The following GTF3C4 variants were observed in gnomAD, a reference collection of about 807,000 sequenced individuals.
GTF3C4 encodes general transcription factor 3C polypeptide 4.
Under a neutral mutation model 67.5 loss-of-function variants are expected in GTF3C4, and 28 were observed. The observed-to-expected ratio is 0.41, with a 90% CI of 0.31 to 0.57. GTF3C4 has a LOEUF of 0.57. GTF3C4 is among the 20% of genes least tolerant of loss of function. The pLI, the probability that GTF3C4 is intolerant of heterozygous loss-of-function variation, is 0.21. For missense variants in GTF3C4, 831 were observed against 1,033.2 expected (o/e 0.80, Z 2.68); for synonymous variants, 409 against 393.0 (o/e 1.04, Z -0.48).
upstream of GTF3C4, chr9:132,670,358 A>C (rs1835676514): frequency 7.4e-7 from 1 of 1,352,362 alleles, no homozygotes; most frequent in Non-Finnish European, 9.7e-7. Context: ...ATCCCTGGGC[A>C]GGGAAAAGGG....
rs1299149215 is a variant in GTF3C4 at position 132,683,671 on chromosome 9, T to C, written c.2293T>C (p.Ser765Pro). The C allele has an allele frequency of 6.2e-7, 1 of 1,610,442 alleles. No individual in the cohort carries two copies. The highest frequency in any genetic ancestry group is 1.1e-5 in the South Asian group (1 of 89,724). ...CACAGATCGCAAACAGGCAGTCTGTTCCAATGGCCACATTTGGCTCCGGTA... is the reference window on the plus strand; with the variant it reads ...CACAGATCGCAAACAGGCAGTCTGTCCCAATGGCCACATTTGGCTCCGGTA... ...PFTDRKQAVC[S>P]NGHIWLRCFL... The change falls in exon 3 of 5, where the codon TCC (serine) becomes CCC (proline). Residue 765 changes from serine (S) to proline (P), a missense_variant. Ser to Pro is a moderately conservative substitution (Grantham distance 74, BLOSUM62 -1). Transcript: ENST00000372146.
upstream of GTF3C4, chr9:132,670,174 G>A (rs559511003): frequency 4.4e-6 from 7 of 1,592,728 alleles, no homozygotes; most frequent in East Asian, 2.3e-5. Flanking sequence ...TCGCGGCCTG[G>A]CAAAATTACA....
intron 1 of GTF3C4, among the ~76,000 whole-genome samples, chr9:132,675,895 CTTTTTTTTTTT>C (rs72145516): frequency 0.015 from 1,351 of 89,086 alleles, 27 homozygotes; most frequent in Middle Eastern, 0.047. Context: ...TCCAGTTACC[CTTTTTTTTTTT>C]TTTTTTTTTT....
intron 2 of GTF3C4, among the ~76,000 whole-genome samples, chr9:132,680,373 G>A (rs1835923029): frequency 1.3e-5 from 2 of 152,092 alleles, no homozygotes; most frequent in Admixed American, 1.3e-4. Context: ...AGAGCACTAG[G>A]GTTCCCAGTG....
chr9:132,687,321 C>G lies in GTF3C4; in HGVS notation c.2398C>G (p.Pro800Ala). Reference sequence around the variant, plus strand: ...TGACAGCATTGCCCGGCATCCAGCTCCAGAAGGTGAGTGCTTTCCCTTACT... The same window carrying G: ...TGACAGCATTGCCCGGCATCCAGCTGCAGAAGGTGAGTGCTTTCCCTTACT... ...LHDSIARHPA[P>A]EDPDWIKRLL... Residue 800 changes from proline (P) to alanine (A), a missense_variant, in exon 4 of 5, where the codon CCA becomes GCA. Physicochemically the swap from Pro to Ala is conservative, Grantham distance 27. Transcript: ENST00000372146. 1 of 1,199,490 alleles carries G rather than the reference C, an allele frequency of 8.3e-7. No individual in the cohort carries two copies. Among genetic ancestry groups the G allele is most frequent in the South Asian group, 1.2e-5 (1 of 84,098 alleles). The allele number at this position is 1,199,490 out of a possible 1,614,324, so 74.3% of individuals were successfully genotyped here. A position where few individuals can be genotyped will look rare whatever the true frequency, so the allele number is the denominator to read the frequency against.
upstream of GTF3C4, chr9:132,670,281 T>A: frequency 6.6e-7 from 1 of 1,511,808 alleles, no homozygotes; most frequent in Non-Finnish European, 8.9e-7. Context: ...TACCGCCCCG[T>A]GCGTTTCCTC....
rs1265060184 is a variant in GTF3C4, at chr9:132,670,637, C to T, written c.39C>T (p.Asp13=). The change falls in exon 1 of 5, where the codon GAC becomes GAT. Residue 13 remains aspartate, a synonymous_variant. Transcript: ENST00000372146. ...ACCAGGCCCGGGTGGGGCCCGCGGA[C>T]GACGGGCCTGCGCCGTCTGGGGAGG... ...TADQARVGPA[D]DGPAPSGEEE... is the part of the protein sequence containing the mutation. 6.9e-7 allele frequency: 1 copy of T among 1,449,618 alleles called. No individual in the cohort carries two copies. The highest frequency in any genetic ancestry group is 9.0e-7 in the Non-Finnish European group (1 of 1,113,256). The allele number at this position is 1,449,618 out of a possible 1,614,324, so 89.8% of individuals were successfully genotyped here.
Position 132,678,240 on chromosome 9 carries a change from C to T in GTF3C4, c.621C>T (p.Asp207=). Reference sequence around the variant, plus strand: ...GACTGCAGTGGGTCCAGCTGGTTGACCTGACTGAGATCTATGGAGAACGTC... The same window carrying T: ...GACTGCAGTGGGTCCAGCTGGTTGATCTGACTGAGATCTATGGAGAACGTC... ...LNRLQWVQLV[D]LTEIYGERLY... Residue 207 remains aspartate (D), a synonymous_variant, in exon 2 of 5, where the codon GAC becomes GAT. Transcript: ENST00000372146. This position sits in a 1 kb window ranked among gnomAD's most constrained non-coding sequence, Gnocchi z 6.5. 1 of 1,614,222 alleles carries T rather than the reference C, an allele frequency of 6.2e-7. No homozygotes were observed. Among genetic ancestry groups the T allele is most frequent in the East Asian group, 2.2e-5 (1 of 44,890 alleles).
Position 132,692,355 on chromosome 9 carries a change from G to T in GTF3C4, c.*3410G>T, listed in dbSNP as rs1836130817. On this transcript the variant is annotated 3_prime_UTR_variant, in exon 5 of 5. Coordinates refer to ENST00000372146, the MANE Select transcript of GTF3C4 (RefSeq NM_012204.4). Reference sequence around the variant, plus strand: ...AAGGTAATAGTATTAATTGTATCTGGTTTTCTTCAAAACTTAACTATAATT... The same window carrying T: ...AAGGTAATAGTATTAATTGTATCTGTTTTTCTTCAAAACTTAACTATAATT... 2 of 152,186 alleles carry T rather than the reference G, an allele frequency of 1.3e-5. No homozygotes were observed. Among genetic ancestry groups the T allele is most frequent in the Middle Eastern group, 3.4e-3 (1 of 294 alleles). The allele number at this position is 152,186 out of a possible 1,614,324, so 9.4% of individuals were successfully genotyped here. A position where few individuals can be genotyped will look rare whatever the true frequency, so the allele number is the denominator to read the frequency against.
chr9:132,679,471 G>A lies in GTF3C4; in HGVS notation c.1852G>A (p.Asp618Asn). The A allele has an allele frequency of 6.2e-7, 1 of 1,614,158 alleles. No homozygotes were observed. The highest frequency in any genetic ancestry group is 8.5e-7 in the Non-Finnish European group (1 of 1,180,034). ...GGATTCGCCTGGGATGGGCAATGCT[G>A]ACGATGAACAGCAGGAAGAAGGCAC... ...LVDSPGMGNA[D>N]DEQQEEGTSS... Residue 618 changes from aspartate (D) to asparagine (N), a missense_variant, in exon 2 of 5, where the codon GAC becomes AAC. Physicochemically the swap from Asp to Asn is conservative, Grantham distance 23. Transcript: ENST00000372146. The surrounding 1 kb of genome is among the most constrained non-coding windows in gnomAD (Gnocchi z 5.9).
rs1475207180 is a variant in GTF3C4 at position 132,693,861 on chromosome 9, T to G, written c.*4916T>G. ...AGATTTGTACTTTGATGTATGAAAG[T>G]GAATATCAAACTTGTTTATAGAAAA... is the stretch of plus-strand genomic sequence containing the variant. On this transcript the variant is annotated 3_prime_UTR_variant, in exon 5 of 5. Coordinates refer to ENST00000372146, the MANE Select transcript of GTF3C4 (RefSeq NM_012204.4). The G allele has an allele frequency of 1.3e-5, 2 of 152,206 alleles. No homozygotes were observed. Among genetic ancestry groups the G allele is most frequent in the Admixed American group, 1.3e-4 (2 of 15,280 alleles). The allele number at this position is 152,206 out of a possible 1,614,324, so 9.4% of individuals were successfully genotyped here. A position where few individuals can be genotyped will look rare whatever the true frequency, so the allele number is the denominator to read the frequency against.
intron 2 of GTF3C4, 39 bp from the exon 3 acceptor site, chr9:132,683,524 C>T: frequency 2.6e-6 from 4 of 1,566,878 alleles, no homozygotes; most frequent in Non-Finnish European, 3.5e-6. Context: ...GGAAATCCTG[C>T]ACTTACACTA....
intron 1 of GTF3C4, among the ~76,000 whole-genome samples, chr9:132,672,056 G>GTT (rs1835785261): frequency 6.6e-6 from 1 of 152,192 alleles, no homozygotes; most frequent in African/African-American, 2.4e-5. Context: ...TTGTTAGATT[G>GTT]TTAGTCAGCT....
chr9:132,687,421 C>G, intron 4 of GTF3C4, 94 bp downstream of exon 4: 1 of 686,066 alleles, frequency 1.5e-6, no homozygotes. Context: ...ACGCTCTACA[C>G]TTCTTGGTAT....
At chr9:132,670,314 G>C (rs1835673054), upstream of GTF3C4, 2 of 1,487,654 alleles carry the variant, frequency 1.3e-6, no homozygotes, top group Non-Finnish European at 1.8e-6. Flanking sequence ...ACTAAAGCCT[G>C]TCTGGGTAGC....
At position 132,687,260 on chromosome 9, in the gene GTF3C4, C is replaced by T; in HGVS notation, c.2337C>T (p.Ser779=). ...IWLRCFLTYQ[S]CQSLIYRRCL... ...TCAGGTGCTTCTTAACCTACCAGTCCTGCCAGAGTTTGATATATAGAAGGT... is the reference window on the plus strand; with the variant it reads ...TCAGGTGCTTCTTAACCTACCAGTCTTGCCAGAGTTTGATATATAGAAGGT... The change falls in exon 4 of 5, where the codon TCC becomes TCT. Residue 779 remains serine (S), a synonymous_variant. Coordinates refer to ENST00000372146, the MANE Select transcript of GTF3C4 (RefSeq NM_012204.4). 1.9e-6 allele frequency: 3 copies of T among 1,565,842 alleles called. No homozygotes were observed. The highest frequency in any genetic ancestry group is 2.6e-6 in the Non-Finnish European group (3 of 1,146,900).
Position 132,693,510 on chromosome 9 carries a change from A to T in GTF3C4, c.*4565A>T, listed in dbSNP as rs1037676469. 3 of 152,136 alleles carry T rather than the reference A, an allele frequency of 2.0e-5. No homozygotes were observed. The highest frequency in any genetic ancestry group is 4.4e-5 in the Non-Finnish European group (3 of 68,022). The allele number at this position is 152,136 out of a possible 1,614,324, so 9.4% of individuals were successfully genotyped here. ...AGAGTTGACGAAAGTGTAAGATTAT[A>T]CTCTCATGCTAAAATAAGGTATAGG... On this transcript the variant is annotated 3_prime_UTR_variant, in exon 5 of 5. Coordinates refer to ENST00000372146, the MANE Select transcript of GTF3C4 (RefSeq NM_012204.4).
rs1836098182 is a variant in GTF3C4 at position 132,690,442 on chromosome 9, A to G, written c.*1497A>G. 2.3e-5 allele frequency: 1 copy of G among 43,142 alleles called. No individual in the cohort carries two copies. Among genetic ancestry groups the G allele is most frequent in the African/African-American group, 1.6e-4 (1 of 6,228 alleles). 2.7% of individuals were successfully genotyped at this position (43,142 alleles called of 1,614,324 possible). A position where few individuals can be genotyped will look rare whatever the true frequency, so the allele number is the denominator to read the frequency against. On this transcript the variant is annotated 3_prime_UTR_variant, in exon 5 of 5. Transcript: ENST00000372146. ...CTGGGCAAGACTGGAGACTGCCTCA[A>G]AAAAAAAAGAAAAAAAATGTTGGTA... is the stretch of plus-strand genomic sequence containing the variant.
At chr9:132,687,414 C>T (rs1836048862) in intron 4 of GTF3C4, 87 bp downstream of exon 4, 1 of 729,426 alleles carries the variant, frequency 1.4e-6, no homozygotes, top group Non-Finnish European at 2.5e-6. Flanking sequence ...TCTAGTCACG[C>T]TCTACACTTC....
Sources: gnomAD v4.1 joint callset for allele counts (sites outside exome capture counted in the v4.1 genomes callset) on GRCh38, gnomAD v4.1.1 for gene constraint, Gnocchi (gnomAD v3.1) non-coding constraint, MANE v1.5 for transcripts, NCBI Gene and HGNC (gene_info 2026-07-23, HGNC 2026-07-21) for gene names.